The following GRM5 variants were observed in gnomAD, a reference collection of about 807,000 sequenced individuals.
GRM5 encodes metabotropic glutamate receptor 5.
GRM5 carries 19 observed loss-of-function variants against 83.1 expected under a neutral mutation model. The observed-to-expected ratio is 0.23, with a 90% CI of 0.16 to 0.34. The LOEUF is 0.34. GRM5 is among the 10% of genes least tolerant of loss of function. The pLI is 1.00. For missense variants in GRM5, 1,160 were observed against 1,588.3 expected, an observed-to-expected ratio of 0.73 and a Z score of 4.58; for synonymous variants, 675 against 633.6, an observed-to-expected ratio of 1.07 and a Z score of -0.98.
chr11:88,722,485 C>A (rs1302771278), intron 3 of GRM5, among the ~76,000 whole-genome samples: 1 of 152,118 alleles, frequency 6.6e-6, no homozygotes, highest in South Asian at 2.1e-4. Flanking sequence ...TTGTACATTT[C>A]AGAAGCCATA....
intron 4 of GRM5, among the ~76,000 whole-genome samples, chr11:88,645,059 A>T (rs1466415074): frequency 6.6e-6 from 1 of 152,152 alleles, no homozygotes; most frequent in African/African-American, 2.4e-5. Context: ...CACCCTGATA[A>T]CCACCACTGA....
chr11:88,833,281 G>T (rs1022805100), intron 3 of GRM5, among the ~76,000 whole-genome samples: 2 of 151,474 alleles, frequency 1.3e-5, no homozygotes, highest in Non-Finnish European at 2.9e-5. Flanking sequence ...ACTAACTCCC[G>T]CTGCCCCCCC....
intron 3 of GRM5, among the ~76,000 whole-genome samples, chr11:88,712,911 A>G (rs1941313480): frequency 6.6e-6 from 1 of 152,120 alleles, no homozygotes; most frequent in Non-Finnish European, 1.5e-5. Flanking sequence ...TTTGACAAAT[A>G]TACATTCTTT....
At chr11:88,543,603 C>A (rs1215810377) in intron 8 of GRM5, among the ~76,000 whole-genome samples, 1 of 147,990 alleles carries the variant, frequency 6.8e-6, no homozygotes, top group Non-Finnish European at 1.5e-5. Flanking sequence ...AAAAAAAACC[C>A]ACAACCAGGA....
At chr11:88,935,484 T>C (rs1489548971) in intron 2 of GRM5, among the ~76,000 whole-genome samples, 1 of 151,902 alleles carries the variant, frequency 6.6e-6, no homozygotes, top group East Asian at 1.9e-4. Flanking sequence ...ATGATCAATC[T>C]TGCTTGCTTA....
chr11:88,562,690 C>G (rs1177547383), intron 8 of GRM5, among the ~76,000 whole-genome samples: 2 of 152,102 alleles, frequency 1.3e-5, no homozygotes, highest in African/African-American at 4.8e-5. Flanking sequence ...GCGACTGCTA[C>G]CACCGTGACT....
intron 3 of GRM5, among the ~76,000 whole-genome samples, chr11:88,762,157 G>A (rs1302305953): frequency 1.3e-5 from 2 of 152,042 alleles, no homozygotes; most frequent in Non-Finnish European, 2.9e-5. Context: ...GACACCAGAA[G>A]CAATTGCAAC....
chr11:88,779,214 T>G (rs1250753965), intron 3 of GRM5, among the ~76,000 whole-genome samples: 4 of 152,218 alleles, frequency 2.6e-5, no homozygotes, highest in African/African-American at 9.6e-5. Context: ...CATGAAGTTA[T>G]TTGTGTAAGC....
chr11:89,045,723 G>T (rs1941628235), intron 2 of GRM5, among the ~76,000 whole-genome samples: 1 of 152,250 alleles, frequency 6.6e-6, no homozygotes, highest in East Asian at 1.9e-4. Context: ...ACCAAGCACT[G>T]ATCTTCTGAA....
chr11:88,938,756 CT>C (rs1182573029), intron 2 of GRM5, among the ~76,000 whole-genome samples: 3 of 151,588 alleles, frequency 2.0e-5, no homozygotes, highest in African/African-American at 7.2e-5. Context: ...ATTTGAATGT[CT>C]TTTTTTAACG....
At chr11:88,592,103 G>T (rs1937653415) in intron 6 of GRM5, among the ~76,000 whole-genome samples, 1 of 152,186 alleles carries the variant, frequency 6.6e-6, no homozygotes, top group Non-Finnish European at 1.5e-5. Context: ...GTGATATTTT[G>T]AAAGACGCAG....
intron 4 of GRM5, among the ~76,000 whole-genome samples, chr11:88,643,272 C>G (rs1176452665): frequency 2.8e-5 from 1 of 35,248 alleles, no homozygotes. Flanking sequence ...TGGTGCCATG[C>G]TTTACAACTA....
At chr11:88,543,285 G>A (rs1565331977) in intron 8 of GRM5, among the ~76,000 whole-genome samples, 1 of 152,152 alleles carries the variant, frequency 6.6e-6, no homozygotes, top group Non-Finnish European at 1.5e-5. Context: ...TTTCTCACAT[G>A]GGGCCTTGTA....
At chr11:88,515,811 G>A (rs1425189925) in intron 9 of GRM5, among the ~76,000 whole-genome samples, 1 of 152,186 alleles carries the variant, frequency 6.6e-6, no homozygotes, top group African/African-American at 2.4e-5. Flanking sequence ...TAGCTGTTTT[G>A]TGTCTAGAAG....
intron 8 of GRM5, among the ~76,000 whole-genome samples, chr11:88,560,206 C>T (rs1294102781): frequency 3.3e-5 from 5 of 152,212 alleles, no homozygotes; most frequent in South Asian, 2.1e-4. Flanking sequence ...TCCTACTGGG[C>T]GGAGAAGCCC....
chr11:88,558,042 C>T (rs1942666890), intron 8 of GRM5, among the ~76,000 whole-genome samples: 1 of 152,100 alleles, frequency 6.6e-6, no homozygotes, highest in Non-Finnish European at 1.5e-5. Context: ...TTGATCTCCC[C>T]CACTACTCTG....
At position 88,817,548 on chromosome 11, in the gene GRM5, G is replaced by A. The variant is rs1241466030; in HGVS notation, c.911+32358C>T. Among the ~76,000 whole-genome samples, 8 of 152,026 alleles carry A rather than the reference G, an allele frequency of 5.3e-5. No individual in the cohort carries two copies. In the East Asian group the frequency reaches 1.5e-3, roughly 29 times the overall value. ...TTGATTTCTAATTTCTTTGACTAAT[G>A]TTTATAAAAATACCATCAACTAGTG... On this transcript the variant is annotated intron_variant, in intron 3 of 9. Coordinates refer to ENST00000305447, the MANE Select transcript of GRM5 (RefSeq NM_001143831.3).
intron 3 of GRM5, among the ~76,000 whole-genome samples, chr11:88,808,084 TA>T (rs1368770439): frequency 6.6e-6 from 1 of 152,040 alleles, no homozygotes; most frequent in Non-Finnish European, 1.5e-5. Context: ...TACTATTCAA[TA>T]ATTGTGTATG....
intron 2 of GRM5, among the ~76,000 whole-genome samples, chr11:88,863,388 TA>T (rs34853133): frequency 0.45 from 67,349 of 151,304 alleles, 15,276 homozygotes; most frequent in East Asian, 0.57. Flanking sequence ...AGACCAGATT[TA>T]AAAAAAAATG....
Sources: allele counts gnomAD v4.1 joint callset (sites outside exome capture counted in the v4.1 genomes callset), GRCh38; gene constraint gnomAD v4.1.1; transcripts MANE v1.5; gene names NCBI Gene and HGNC (gene_info 2026-07-23, HGNC 2026-07-21).